RRN3: variants seen among roughly 807,000 people sequenced by gnomAD.
The protein encoded by RRN3 is RNA polymerase I transcription factor RRN3, also known as RNA polymerase I-specific transcription initiation factor RRN3.
A neutral mutation model predicts 82.3 loss-of-function variants in RRN3; 38 were observed. The ratio of observed to expected loss-of-function variants is 0.46; its 90% confidence interval spans 0.36 to 0.61. The LOEUF (loss-of-function observed/expected upper bound fraction) is 0.61, where lower values mean the gene tolerates loss of function less well. RRN3 is among the 20% of genes least tolerant of loss of function. RRN3 has a pLI of 0.00. For synonymous variants in RRN3, 284 were observed against 284.3 expected (o/e 1.00, Z 0.01); for missense variants, 726 against 793.1 (o/e 0.92, Z 1.02).
intron 15 of RRN3, among the ~76,000 whole-genome samples, chr16:15,066,595 T>C (rs937748773): frequency 6.6e-6 from 1 of 150,872 alleles, no homozygotes; most frequent in Non-Finnish European, 1.5e-5. Context: ...ATCACGCCAC[T>C]GTACTCCAGC....
intron 15 of RRN3, among the ~76,000 whole-genome samples, chr16:15,067,740 T>C (rs2045038383): frequency 6.6e-6 from 1 of 152,064 alleles, no homozygotes; most frequent in African/African-American, 2.4e-5. Flanking sequence ...TATCACAGTA[T>C]TTCCTGCAAG....
At chr16:15,089,975 A>T (rs1043499311) in intron 3 of RRN3, among the ~76,000 whole-genome samples, 7 of 151,762 alleles carry the variant, frequency 4.6e-5, no homozygotes, top group African/African-American at 1.7e-4. Flanking sequence ...TTGGGAGGCC[A>T]AGGCGGGCAG....
intron 16 of RRN3, among the ~76,000 whole-genome samples, chr16:15,064,357 T>C (rs1356955296): frequency 6.6e-6 from 1 of 152,148 alleles, no homozygotes; most frequent in Admixed American, 6.5e-5. Context: ...GTATTTTTAG[T>C]AAAGACAGCG....
In RRN3 at chr16:15,086,659, T is replaced by C. The variant is rs538539460; in HGVS notation, c.253-205A>G. 4.4e-4 allele frequency among the ~76,000 whole-genome samples: 67 copies of C among 152,326 alleles called. 2 individuals are homozygous for C. The South Asian group carries it at 0.013, about 29-fold the overall frequency. The stretch of plus-strand genomic sequence containing the variant: ...TTTTAAGAAAGTAATCTAGTAACTC[T>C]AATACACAGGAGAAAGACTTAAATG... On this transcript the variant is annotated intron_variant, in intron 3 of 17. Transcript: ENST00000198767.
rs761488448 is a variant in RRN3 at position 15,069,394 on chromosome 16, T to TA, written c.1444+675dup. Among the ~76,000 whole-genome samples, 38 of 152,294 alleles carry TA rather than the reference T, an allele frequency of 2.5e-4. 1 individual carries two copies. The highest frequency in any genetic ancestry group is 6.2e-4 in the South Asian group (3 of 4,824). ...CCCACAAAACCATAAGAATTATTCA[T>TA]AAACATAAACAGAACAATTTACAAT... is the stretch of plus-strand genomic sequence containing the variant. On this transcript the variant is annotated intron_variant, in intron 14 of 17. Transcript: ENST00000198767.
intron 6 of RRN3, among the ~76,000 whole-genome samples, chr16:15,085,337 A>T (rs1430115257): frequency 7.3e-6 from 1 of 137,150 alleles, no homozygotes; most frequent in African/African-American, 2.6e-5. Flanking sequence ...TTTTTTTTTT[A>T]AAGAAGACAG....
intron 11 of RRN3, 188 bp downstream of exon 11, chr16:15,074,535 G>A (rs1205619841): frequency 6.5e-6 from 3 of 464,296 alleles, no homozygotes; most frequent in East Asian, 3.4e-5. Context: ...AACTCAGCCA[G>A]AATCCCAGTC....
intron 3 of RRN3, among the ~76,000 whole-genome samples, chr16:15,087,673 G>A (rs1170979407): frequency 2.0e-5 from 3 of 152,184 alleles, no homozygotes; most frequent in South Asian, 4.1e-4. Context: ...CAACTGTTAA[G>A]GATAACATTA....
chr16:15,069,657 T>C (rs2045138830), intron 14 of RRN3, among the ~76,000 whole-genome samples: 1 of 152,190 alleles, frequency 6.6e-6, no homozygotes, highest in African/African-American at 2.4e-5. Context: ...GGAAAATGAC[T>C]TTCCTGTGCT....
In RRN3 at chr16:15,069,589, T is replaced by C. The variant is rs548612486; in HGVS notation, c.1444+481A>G. Among the ~76,000 whole-genome samples the C allele has an allele frequency of 1.6e-3, 241 of 152,344 alleles. 1 individual carries two copies. The highest frequency in any genetic ancestry group is 0.014 in the Middle Eastern group (4 of 294). ...GTTTAATCTATATAAACTCAAACTT[T>C]AGGGTCAGCCAAACCTGGCTTCAGT... On this transcript the variant is annotated intron_variant, in intron 14 of 17. Coordinates refer to ENST00000198767, the MANE Select transcript of RRN3 (RefSeq NM_018427.5).
intron 3 of RRN3, among the ~76,000 whole-genome samples, chr16:15,087,710 T>C (rs924597152): frequency 6.6e-6 from 1 of 152,216 alleles, no homozygotes; most frequent in Non-Finnish European, 1.5e-5. Flanking sequence ...GCCAAAGGCA[T>C]GTAGAAAACA....
At chr16:15,072,245 CA>C (rs55852324) in intron 12 of RRN3, among the ~76,000 whole-genome samples, 81,377 of 133,432 alleles carry the variant, frequency 0.61, 26,175 homozygotes, top group Non-Finnish European at 0.72. Flanking sequence ...TTTCCCCCAC[CA>C]AAAAAAAAAA....
At chr16:15,074,679 G>A in intron 11 of RRN3, 44 bp downstream of exon 11, 2 of 1,507,918 alleles carry the variant, frequency 1.3e-6, no homozygotes, top group Non-Finnish European at 1.8e-6. Flanking sequence ...CACAAAGCCA[G>A]GTACACTGCA....
At chr16:15,077,921 T>C (rs1343231708) in intron 9 of RRN3, among the ~76,000 whole-genome samples, 2 of 152,088 alleles carry the variant, frequency 1.3e-5, no homozygotes, top group African/African-American at 2.4e-5. Context: ...ACTAATACAA[T>C]CTCTATGCAC....
At position 15,092,555 on chromosome 16, in the gene RRN3, A is replaced by T. The variant is rs1567230635; in HGVS notation, c.149T>A (p.Val50Asp). 1 of 1,613,658 alleles carries T rather than the reference A, an allele frequency of 6.2e-7. No individual in the cohort carries two copies. Among genetic ancestry groups the T allele is most frequent in the Admixed American group, 1.7e-5 (1 of 60,004 alleles). ...DFFNSPPRKTVRFGGTVTEVL... is the reference protein window; with the variant it reads ...DFFNSPPRKTDRFGGTVTEVL... ...TTCTGTCACAGTTCCACCAAACCGAACAGTTTTTCTTGGGGGAGAATTGAA... is the reference window on the plus strand; with the variant it reads ...TTCTGTCACAGTTCCACCAAACCGATCAGTTTTTCTTGGGGGAGAATTGAA... Residue 50 changes from valine to aspartate, a missense_variant, in exon 2 of 18, where the codon GTT becomes GAT. Physicochemically the swap from Val to Asp is radical, Grantham distance 152. This residue lies in a region of RRN3 where 135 missense variants were observed against 87.4 expected (regional missense o/e 1.55). Transcript: ENST00000198767.
At chr16:15,078,736 G>C (rs1479864275) in intron 9 of RRN3, among the ~76,000 whole-genome samples, 1 of 151,706 alleles carries the variant, frequency 6.6e-6, no homozygotes, top group Non-Finnish European at 1.5e-5. Flanking sequence ...AGTATTCTCT[G>C]GTAGGCTGCC....
chr16:15,071,111 G>C lies in RRN3; in HGVS notation c.1259+10C>G, dbSNP rs768134279. The C allele has an allele frequency of 5.6e-6, 9 of 1,594,930 alleles. No individual in the cohort carries two copies. The Admixed American group carries it at 1.2e-4, about 22-fold the overall frequency. The stretch of plus-strand genomic sequence containing the variant: ...ATATTAAAAAGTATTCGGAAAATTA[G>C]GCTACTTACATAAGAGGAATAAATT... On this transcript the variant is annotated intron_variant, in intron 13 of 17. Coordinates refer to ENST00000198767, the MANE Select transcript of RRN3 (RefSeq NM_018427.5).
chr16:15,061,799 G>C lies in RRN3; in HGVS notation c.1901C>G (p.Pro634Arg), dbSNP rs1455321211. ...PSSFDTHFRSPSSSVGSPPVL... is the reference protein window; with the variant it reads ...PSSFDTHFRSRSSSVGSPPVL... ...GGGTGGGGAGCCCACACTACTTGAAGGACTTCGGAAATGCGTGTCAAAGGA... is the reference window on the plus strand; with the variant it reads ...GGGTGGGGAGCCCACACTACTTGAACGACTTCGGAAATGCGTGTCAAAGGA... Residue 634 changes from proline (P) to arginine (R), a missense_variant, in exon 18 of 18, where the codon CCT (proline) becomes CGT (arginine). Around this residue, in one of 4 missense-constraint regions of RRN3, gnomAD observed 166 missense variants for 154.8 expected, o/e 1.07. Coordinates refer to ENST00000198767, the MANE Select transcript of RRN3 (RefSeq NM_018427.5). 5 of 1,614,034 alleles carry C rather than the reference G, an allele frequency of 3.1e-6. No individual in the cohort carries two copies. The African/African-American group carries it at 5.3e-5, about 17-fold the overall frequency.
intron 14 of RRN3, among the ~76,000 whole-genome samples, chr16:15,068,767 C>A (rs1346439797): frequency 1.3e-5 from 2 of 152,144 alleles, no homozygotes; most frequent in African/African-American, 2.4e-5. Context: ...TGCCTTCTAC[C>A]TCAACGGACG....
Sources: allele counts gnomAD v4.1 joint callset (sites outside exome capture counted in the v4.1 genomes callset), GRCh38; gene constraint gnomAD v4.1.1; regional missense constraint gnomAD v4.1.1; transcripts MANE v1.5; gene names NCBI Gene and HGNC (gene_info 2026-07-23, HGNC 2026-07-21).